The following ARHGEF7 variants were observed in gnomAD, a reference collection of about 807,000 sequenced individuals.
The protein encoded by ARHGEF7 is PAK-interacting exchange factor beta.
In ARHGEF7, 33 loss-of-function variants were observed where a neutral mutation model predicts 109.8. The observed-to-expected ratio is 0.30, with a 90% CI of 0.23 to 0.40. ARHGEF7 has a LOEUF of 0.40. Ranked by LOEUF, ARHGEF7 falls within the 10% of genes least tolerant of loss-of-function variation. The probability of loss-of-function intolerance (pLI) is 1.00; values close to 1 mark genes in which losing one functional copy is unlikely to be tolerated. For synonymous variants in ARHGEF7, 458 were observed against 424.6 expected, an observed-to-expected ratio of 1.08 and a Z score of -0.97; for missense variants, 938 against 1,098.5, an observed-to-expected ratio of 0.85 and a Z score of 2.07.
chr13:111,291,156 A>G (rs2093265091), intron 18 of ARHGEF7, among the ~76,000 whole-genome samples: 1 of 152,212 alleles, frequency 6.6e-6, no homozygotes, highest in Non-Finnish European at 1.5e-5. Context: ...GGCCAGGGCT[A>G]CTGTGATTTG....
intron 11 of ARHGEF7, 125 bp downstream of exon 11, chr13:111,274,915 A>AGTCG: frequency 1.7e-6 from 1 of 583,782 alleles, no homozygotes; most frequent in Non-Finnish European, 2.7e-6. Flanking sequence ...AGAAAAACAG[A>AGTCG]GTCGGCATTC....
At chr13:111,269,005 A>G (rs2091908757) in intron 9 of ARHGEF7, among the ~76,000 whole-genome samples, 1 of 152,234 alleles carries the variant, frequency 6.6e-6, no homozygotes, top group African/African-American at 2.4e-5. Flanking sequence ...TGAACAATGT[A>G]GTGAAAGGAA....
At chr13:111,153,464 G>A (rs1465482504) in intron 1 of ARHGEF7, among the ~76,000 whole-genome samples, 4 of 152,134 alleles carry the variant, frequency 2.6e-5, no homozygotes, top group South Asian at 4.1e-4. Flanking sequence ...ACAGGAGGAG[G>A]CGGCGGTGGC....
intron 8 of ARHGEF7, chr13:111,265,778 A>G (rs1438211475): frequency 4.4e-6 from 2 of 453,764 alleles, no homozygotes; most frequent in African/African-American, 2.0e-5. Context: ...GCCTTGTAAC[A>G]GCTGTGAGGG....
At chr13:111,221,760 C>T (rs946701041) in intron 5 of ARHGEF7, among the ~76,000 whole-genome samples, 1 of 150,978 alleles carries the variant, frequency 6.6e-6, no homozygotes, top group African/African-American at 2.4e-5. Flanking sequence ...TTCTGTCCCT[C>T]TATTACTTCT....
At position 111,115,576 on chromosome 13, in the gene ARHGEF7, TG is replaced by T; in HGVS notation, c.52del (p.Glu18SerfsTer18). On this transcript the variant is annotated frameshift_variant, in exon 1 of 22. Transcript: ENST00000646102. LOFTEE classifies it high-confidence loss of function. ...ACGTGGCTCATCACTCTGGGGGTGC[TG>T]GAGTCGCCCAAAAAAACCATCTCGG... Reference protein sequence around the residue: ...TVTWLITLGVLESPKKTISDP... With the variant: ...TVTWLITLGVXESPKKTISDP... The T allele has an allele frequency of 2.8e-6, 4 of 1,418,676 alleles. No homozygotes were observed. Among genetic ancestry groups the T allele is most frequent in the South Asian group, 2.7e-5 (2 of 74,986 alleles). 87.9% of individuals were successfully genotyped at this position (1,418,676 alleles called of 1,614,324 possible).
intron 6 of ARHGEF7, among the ~76,000 whole-genome samples, chr13:111,242,478 T>C (rs76154844): frequency 0.021 from 3,235 of 152,336 alleles, 119 homozygotes; most frequent in African/African-American, 0.074. Flanking sequence ...ATTTCTTTTG[T>C]ATGAATAAGT....
At chr13:111,264,976 C>T (rs2091465004) in intron 8 of ARHGEF7, among the ~76,000 whole-genome samples, 2 of 151,850 alleles carry the variant, frequency 1.3e-5, no homozygotes, top group African/African-American at 4.8e-5. Context: ...AGGGAAGGCC[C>T]AGCTGGGCAT....
intron 2 of ARHGEF7, among the ~76,000 whole-genome samples, chr13:111,158,856 A>G (rs1355602770): frequency 1.3e-5 from 2 of 152,188 alleles, no homozygotes; most frequent in Non-Finnish European, 2.9e-5. Flanking sequence ...CATACTTCTT[A>G]TTTCTTTGTG....
At chr13:111,247,364 G>A (rs1440717946) in intron 8 of ARHGEF7, among the ~76,000 whole-genome samples, 1 of 151,888 alleles carries the variant, frequency 6.6e-6, no homozygotes, top group Admixed American at 6.6e-5. Flanking sequence ...TGCCTCCTGA[G>A]TTCAAGTGAT....
At chr13:111,297,766 C>T (rs2093459579) in intron 19 of ARHGEF7, among the ~76,000 whole-genome samples, 1 of 152,164 alleles carries the variant, frequency 6.6e-6, no homozygotes, top group African/African-American at 2.4e-5. Context: ...CGTGTCTGAC[C>T]CATTTCTTTA....
intron 1 of ARHGEF7, among the ~76,000 whole-genome samples, chr13:111,127,090 A>G (rs966976838): frequency 2.6e-5 from 4 of 152,260 alleles, no homozygotes; most frequent in Admixed American, 6.5e-5. Flanking sequence ...GAATCACCAC[A>G]GATCTTACAG....
Position 111,258,602 on chromosome 13 carries a change from A to G in ARHGEF7, c.951-8946A>G, listed in dbSNP as rs1400269101. ...CAGTGGTACCCAGGCAGAACTCACC[A>G]TGGGTCTTGCATGAGACTCAAAGAC... On this transcript the variant is annotated intron_variant, in intron 8 of 21. Coordinates refer to ENST00000646102, the MANE Select transcript of ARHGEF7 (RefSeq NM_001354046.2). This position sits in a 1 kb window ranked among gnomAD's most constrained non-coding sequence, Gnocchi z 4.4. 6.6e-6 allele frequency among the ~76,000 whole-genome samples: 1 copy of G among 152,066 alleles called. No individual in the cohort carries two copies. Among genetic ancestry groups the G allele is most frequent in the East Asian group, 1.9e-4 (1 of 5,172 alleles).
chr13:111,190,597 T>C (rs528456639), intron 2 of ARHGEF7, among the ~76,000 whole-genome samples: 103 of 152,328 alleles, frequency 6.8e-4, no homozygotes, highest in African/African-American at 2.4e-3. Flanking sequence ...AACTGGCTAC[T>C]CCGGTTCCTG....
chr13:111,293,133 A>G (rs2093340788), intron 19 of ARHGEF7: 2 of 985,330 alleles, frequency 2.0e-6, no homozygotes, highest in Non-Finnish European at 2.4e-6. Context: ...TCTCTACACT[A>G]ACAGTTTAAA....
At chr13:111,274,821 C>A in intron 11 of ARHGEF7, 31 bp downstream of exon 11, 2 of 1,339,634 alleles carry the variant, frequency 1.5e-6, no homozygotes, top group Non-Finnish European at 2.0e-6. Flanking sequence ...TTTTCCCCCC[C>A]AGACATTATT....
chr13:111,231,491 AGT>A (rs2086047704), intron 5 of ARHGEF7, among the ~76,000 whole-genome samples: 1 of 152,200 alleles, frequency 6.6e-6, no homozygotes, highest in Admixed American at 6.5e-5. Context: ...GAAACTTGAC[AGT>A]GAGGCATTGA....
At chr13:111,267,455 T>A (rs2091754320) in intron 8 of ARHGEF7, 93 bp from the exon 9 acceptor site, 1 of 1,524,788 alleles carries the variant, frequency 6.6e-7, no homozygotes. Flanking sequence ...CAGAGGGAGG[T>A]TTTCCTTACT....
At chr13:111,133,063 CAT>C (rs1163992887) in intron 1 of ARHGEF7, among the ~76,000 whole-genome samples, 3 of 152,052 alleles carry the variant, frequency 2.0e-5, no homozygotes, top group African/African-American at 7.2e-5. Context: ...TGTATGCACA[CAT>C]ATACACATGT....
Sources: allele counts gnomAD v4.1 joint callset (sites outside exome capture counted in the v4.1 genomes callset), GRCh38; gene constraint gnomAD v4.1.1; non-coding constraint Gnocchi (gnomAD v3.1); transcripts MANE v1.5; gene names NCBI Gene and HGNC (gene_info 2026-07-23, HGNC 2026-07-21).